Variants in HSPA4L observed in about 807,000 individuals in gnomAD.
The protein encoded by HSPA4L is heat shock protein family A (Hsp70) member 4 like.
HSPA4L carries 48 observed loss-of-function variants against 100.3 expected under a neutral mutation model. That is an observed-to-expected ratio of 0.48 (90% CI 0.38 to 0.61). The LOEUF is 0.61. Ranked by LOEUF, HSPA4L falls within the 20% of genes least tolerant of loss-of-function variation. The pLI is 0.00. For synonymous variants in HSPA4L, 319 were observed against 328.2 expected (o/e 0.97, Z 0.30); for missense variants, 886 against 988.6 (o/e 0.90, Z 1.39).
chr4:127,837,329 G>A lies in HSPA4L; in HGVS notation c.*4455G>A, dbSNP rs999448570. ...TGAACTGTAAGCAGAATTTTGTTTT[G>A]TGATATTTTATTGTATAAACTGTTA... On this transcript the variant is annotated 3_prime_UTR_variant, in exon 19 of 19. Coordinates refer to ENST00000296464, the MANE Select transcript of HSPA4L (RefSeq NM_014278.4). The A allele has an allele frequency of 3.9e-5, 6 of 152,152 alleles. No individual in the cohort carries two copies. Among genetic ancestry groups the A allele is most frequent in the Non-Finnish European group, 8.8e-5 (6 of 68,030 alleles). 9.4% of individuals were successfully genotyped at this position (152,152 alleles called of 1,614,324 possible).
rs1048664561 is a variant in HSPA4L at position 127,837,802 on chromosome 4, CTTTG to C, written c.*4932_*4935del. On this transcript the variant is annotated 3_prime_UTR_variant, in exon 19 of 19. Transcript: ENST00000296464. ...AATTTAAAATGCATGAAAATTAATA[CTTTG>C]TTTTTGTTTTTTTTTTGGAAACAGT... is the stretch of plus-strand genomic sequence containing the variant. 4 of 151,668 alleles carry C rather than the reference CTTTG, an allele frequency of 2.6e-5. No homozygotes were observed. Among genetic ancestry groups the C allele is most frequent in the Admixed American group, 6.6e-5 (1 of 15,230 alleles). 9.4% of individuals were successfully genotyped at this position (151,668 alleles called of 1,614,324 possible).
Position 127,782,651 on chromosome 4 carries a change from G to A in HSPA4L, c.101G>A (p.Cys34Tyr). 6.2e-7 allele frequency: 1 copy of A among 1,610,196 alleles called. No homozygotes were observed. Among genetic ancestry groups the A allele is most frequent in the African/African-American group, 1.3e-5 (1 of 74,824 alleles). Residue 34 changes from cysteine to tyrosine, a missense_variant, in exon 1 of 19, where the codon TGT (cysteine) becomes TAT (tyrosine). Transcript: ENST00000296464. ...ATCGCCAATGAGTACAGCGACAGGT[G>A]TACCCCGTAAGTGCCTCTGCTGAGC... ...ETIANEYSDR[C>Y]TPACISLGSR...
At chr4:127,820,272 T>C (rs577940508) in intron 13 of HSPA4L, among the ~76,000 whole-genome samples, 156 bp from the exon 14 acceptor site, 8 of 152,284 alleles carry the variant, frequency 5.3e-5, no homozygotes, top group African/African-American at 1.9e-4. Context: ...AACTAGGATT[T>C]AACATACACA....
At chr4:127,815,222 C>T (rs986089228) in intron 12 of HSPA4L, among the ~76,000 whole-genome samples, 7 of 151,472 alleles carry the variant, frequency 4.6e-5, no homozygotes, top group Admixed American at 2.6e-4. Context: ...TTGATTTTCC[C>T]GAAAAATCAC....
Position 127,836,686 on chromosome 4 carries a change from G to T in HSPA4L, c.*3812G>T, listed in dbSNP as rs941852417. 2 of 152,012 alleles carry T rather than the reference G, an allele frequency of 1.3e-5. No homozygotes were observed. Among genetic ancestry groups the T allele is most frequent in the Non-Finnish European group, 2.9e-5 (2 of 68,000 alleles). The allele number at this position is 152,012 out of a possible 1,614,324, so 9.4% of individuals were successfully genotyped here. ...TTTGAAAAATCTATATTTATTAAAG[G>T]TAGTAGACATTTGAATATAGTAATC... On this transcript the variant is annotated 3_prime_UTR_variant, in exon 19 of 19. Transcript: ENST00000296464.
intron 10 of HSPA4L, 33 bp from the exon 11 acceptor site, chr4:127,807,963 T>A: frequency 1.3e-6 from 2 of 1,584,854 alleles, no homozygotes; most frequent in South Asian, 2.4e-5. Flanking sequence ...ACTTTCTATT[T>A]GTTTCTAAGT....
At position 127,803,761 on chromosome 4, in the gene HSPA4L, T is replaced by C; in HGVS notation, c.796T>C (p.Leu266=). 10 of 1,614,006 alleles carry C rather than the reference T, an allele frequency of 6.2e-6. No homozygotes were observed. The highest frequency in any genetic ancestry group is 8.5e-6 in the Non-Finnish European group (10 of 1,179,966). Reference sequence around the variant, plus strand: ...AGAAAACTCTCGGGCCTTGTTGCGTTTATATCAGGAATGTGAAAAACTAAA... The same window carrying C: ...AGAAAACTCTCGGGCCTTGTTGCGTCTATATCAGGAATGTGAAAAACTAAA... ...VKENSRALLR[L]YQECEKLKKL... The change falls in exon 7 of 19, where the codon TTA becomes CTA. Residue 266 remains leucine, a synonymous_variant. Coordinates refer to ENST00000296464, the MANE Select transcript of HSPA4L (RefSeq NM_014278.4).
intron 12 of HSPA4L, among the ~76,000 whole-genome samples, chr4:127,813,711 C>T (rs1275103133): frequency 2.0e-5 from 3 of 152,156 alleles, no homozygotes; most frequent in Non-Finnish European, 4.4e-5. Context: ...GGCACAATCT[C>T]GGCCCACTAC....
intron 18 of HSPA4L, 22 bp downstream of exon 18, chr4:127,830,821 C>A: frequency 6.7e-7 from 1 of 1,490,142 alleles, no homozygotes; most frequent in Non-Finnish European, 9.0e-7. Flanking sequence ...ATGAAATTGC[C>A]TTTTTAATGG....
At chr4:127,823,036 AC>A (rs1733854243) in intron 15 of HSPA4L, 142 bp downstream of exon 15, 1 of 715,322 alleles carries the variant, frequency 1.4e-6, no homozygotes, top group Non-Finnish European at 2.1e-6. Flanking sequence ...TCTTATTTTT[AC>A]AAGTTGCAGA....
chr4:127,790,733 A>G (rs1013439709), intron 1 of HSPA4L, among the ~76,000 whole-genome samples: 1 of 152,230 alleles, frequency 6.6e-6, no homozygotes, highest in African/African-American at 2.4e-5. Flanking sequence ...CATTGAGTGC[A>G]ACTAGAAACC....
intron 1 of HSPA4L, among the ~76,000 whole-genome samples, chr4:127,791,388 T>C (rs1474035347): frequency 6.6e-6 from 1 of 152,214 alleles, no homozygotes; most frequent in East Asian, 1.9e-4. Context: ...CCATCCATAA[T>C]TTTTGTGATA....
In HSPA4L at chr4:127,823,570, A is replaced by G; in HGVS notation, c.1992A>G (p.Glu664=). 6.2e-7 allele frequency: 1 copy of G among 1,613,932 alleles called. No individual in the cohort carries two copies. The highest frequency in any genetic ancestry group is 1.1e-5 in the South Asian group (1 of 91,078). Reference sequence around the variant, plus strand: ...AAGACACAGAAAATTGGCTTTATGAAGACGGAGAGGACCAACCTAAACAAG... The same window carrying G: ...AAGACACAGAAAATTGGCTTTATGAGGACGGAGAGGACCAACCTAAACAAG... ...VLEDTENWLY[E]DGEDQPKQVY... is the part of the protein sequence containing the mutation. The change falls in exon 16 of 19, where the codon GAA becomes GAG. Residue 664 remains glutamate, a synonymous_variant. Transcript: ENST00000296464.
At chr4:127,813,311 A>G (rs1261315174) in intron 12 of HSPA4L, 5 of 654,442 alleles carry the variant, frequency 7.6e-6, no homozygotes, top group South Asian at 1.8e-5. Context: ...TTTATTAATA[A>G]TTACTATGCA....
chr4:127,782,142 T>C, upstream of HSPA4L: 1 of 447,484 alleles, frequency 2.2e-6, no homozygotes, highest in Non-Finnish European at 4.5e-6. Flanking sequence ...AGCCTCCATT[T>C]TCCAGATCTT....
chr4:127,832,669 C>A lies in HSPA4L; in HGVS notation c.2329-14C>A. 6.4e-7 allele frequency: 1 copy of A among 1,565,330 alleles called. No individual in the cohort carries two copies. Among genetic ancestry groups the A allele is most frequent in the East Asian group, 2.3e-5 (1 of 43,978 alleles). On this transcript the variant is annotated splice_polypyrimidine_tract_variant and intron_variant, in intron 18 of 18. Coordinates refer to ENST00000296464, the MANE Select transcript of HSPA4L (RefSeq NM_014278.4). ...GTAATCGTTTTAATATAATCAATTTCTTCATGTCTTTAGGAACTGGATAAT... is the reference window on the plus strand; with the variant it reads ...GTAATCGTTTTAATATAATCAATTTATTCATGTCTTTAGGAACTGGATAAT...
Position 127,803,743 on chromosome 4 carries a change from T to C in HSPA4L, c.778T>C (p.Ser260Pro). 1 of 1,613,960 alleles carries C rather than the reference T, an allele frequency of 6.2e-7. No individual in the cohort carries two copies. Among genetic ancestry groups the C allele is most frequent in the Non-Finnish European group, 8.5e-7 (1 of 1,179,920 alleles). ...ATATAAGATAAATGTGAAAGAAAAC[T>C]CTCGGGCCTTGTTGCGTTTATATCA... is the stretch of plus-strand genomic sequence containing the variant. ...TKYKINVKEN[S>P]RALLRLYQEC... The change falls in exon 7 of 19, where the codon TCT becomes CCT. Residue 260 changes from serine to proline, a missense_variant. Coordinates refer to ENST00000296464, the MANE Select transcript of HSPA4L (RefSeq NM_014278.4).
intron 18 of HSPA4L, among the ~76,000 whole-genome samples, chr4:127,832,386 T>G (rs2148802402): frequency 6.6e-6 from 1 of 152,320 alleles, no homozygotes; most frequent in Admixed American, 6.5e-5. Context: ...AAGGAAGAAT[T>G]AAAAATTATT....
At chr4:127,821,791 TAGC>T (rs1733819827) in intron 14 of HSPA4L, among the ~76,000 whole-genome samples, 1 of 152,146 alleles carries the variant, frequency 6.6e-6, no homozygotes, top group African/African-American at 2.4e-5. Flanking sequence ...TCAACCTTAT[TAGC>T]AGCCCTATGA....
Sources: allele counts gnomAD v4.1 joint callset (sites outside exome capture counted in the v4.1 genomes callset), GRCh38; gene constraint gnomAD v4.1.1; transcripts MANE v1.5; gene names NCBI Gene and HGNC (gene_info 2026-07-23, HGNC 2026-07-21).